TOP1MT: variants seen among roughly 807,000 people sequenced by gnomAD.
The protein encoded by TOP1MT is DNA topoisomerase I, mitochondrial.
TOP1MT carries 80 observed loss-of-function variants against 73.9 expected under a neutral mutation model. The ratio of observed to expected loss-of-function variants is 1.08; its 90% CI spans 0.90 to 1.30. TOP1MT has a LOEUF of 1.30. Ranked by LOEUF, TOP1MT falls within the 50% of genes most tolerant of loss-of-function variation. TOP1MT has a pLI of 0.00. For missense variants in TOP1MT, 815 were observed against 808.0 expected (o/e 1.01, Z -0.10); for synonymous variants, 338 against 326.4 (o/e 1.04, Z -0.38).
chr8:143,329,583 A>G (rs1816798309), intron 2 of TOP1MT, 112 bp from the exon 3 acceptor site: 3 of 1,322,146 alleles, frequency 2.3e-6, no homozygotes, highest in South Asian at 1.3e-5. Context: ...GCCAAGAGCA[A>G]GAAGCTAGGC....
upstream of TOP1MT, among the ~76,000 whole-genome samples, chr8:143,346,826 G>C (rs915354915): frequency 6.6e-6 from 1 of 152,058 alleles, no homozygotes; most frequent in Non-Finnish European, 1.5e-5. Flanking sequence ...CAGGTCAGAG[G>C]GAGGACACTA....
upstream of TOP1MT, among the ~76,000 whole-genome samples, chr8:143,337,278 G>A (rs1175770155): frequency 1.3e-5 from 2 of 152,098 alleles, no homozygotes; most frequent in Non-Finnish European, 2.9e-5. Context: ...GATAGCAGGC[G>A]CCTGTAGTCC....
chr8:143,313,594 C>T (rs1816071192), intron 12 of TOP1MT, among the ~76,000 whole-genome samples: 1 of 150,638 alleles, frequency 6.6e-6, no homozygotes, highest in Non-Finnish European at 1.5e-5. Flanking sequence ...TGACTCACAC[C>T]TGTAATCCCA....
chr8:143,337,895 C>T (rs984985382), upstream of TOP1MT, among the ~76,000 whole-genome samples: 2 of 152,192 alleles, frequency 1.3e-5, no homozygotes, highest in Non-Finnish European at 1.5e-5. Context: ...GGAAGCATTG[C>T]GTAACTCCCT....
At chr8:143,348,206 T>G (rs115535749), upstream of TOP1MT, among the ~76,000 whole-genome samples, 466 of 152,188 alleles carry the variant, frequency 3.1e-3, 3 homozygotes, top group African/African-American at 0.01. The surrounding 1 kb of genome is among the most constrained non-coding windows in gnomAD (Gnocchi z 4.6). Flanking sequence ...AGCTCCCTGC[T>G]CCAAAGTCCC....
At position 143,317,840 on chromosome 8, in the gene TOP1MT, G is replaced by A; in HGVS notation, c.1216-3C>T. 6.2e-7 allele frequency: 1 copy of A among 1,613,970 alleles called. No individual in the cohort carries two copies. Among genetic ancestry groups the A allele is most frequent in the Non-Finnish European group, 8.5e-7 (1 of 1,179,900 alleles). On this transcript the variant is annotated splice_region_variant and splice_polypyrimidine_tract_variant and intron_variant, in intron 9 of 13. Coordinates refer to ENST00000329245, the MANE Select transcript of TOP1MT (RefSeq NM_052963.3). ...AGGTGCTTGTTCAGGCTGGTCGTCT[G>A]GGGAGGAAAATGGTCTCTATAATTA...
chr8:143,324,688 A>G, intron 5 of TOP1MT, 59 bp from the exon 6 acceptor site: 1 of 1,582,842 alleles, frequency 6.3e-7, no homozygotes, highest in Non-Finnish European at 8.6e-7. Flanking sequence ...GAATGCAAGC[A>G]AAAGGAGCTG....
intron 12 of TOP1MT, among the ~76,000 whole-genome samples, chr8:143,312,759 A>G (rs1034911573): frequency 2.0e-5 from 3 of 152,228 alleles, no homozygotes; most frequent in Admixed American, 6.5e-5. Flanking sequence ...GAAAAAGTAA[A>G]ACTATCTCTG....
chr8:143,347,721 CAG>C (rs1373028338), upstream of TOP1MT, among the ~76,000 whole-genome samples: 2 of 150,942 alleles, frequency 1.3e-5, no homozygotes, highest in Non-Finnish European at 2.9e-5. Flanking sequence ...GCCAGCCAGC[CAG>C]CCAGCCAGCG....
At chr8:143,309,912 C>T (rs1362863305) in intron 13 of TOP1MT, 156 bp downstream of exon 13, 9 of 1,584,986 alleles carry the variant, frequency 5.7e-6, no homozygotes, top group Admixed American at 1.8e-5. Context: ...GCTGATGACA[C>T]AGGACTCAGC....
At chr8:143,350,892 C>T (rs1011063132) in intron 1 of TOP1MT, among the ~76,000 whole-genome samples, 1 of 152,184 alleles carries the variant, frequency 6.6e-6, no homozygotes, top group Non-Finnish European at 1.5e-5. Flanking sequence ...AGACTGTCCT[C>T]GACCACACTT....
upstream of TOP1MT, chr8:143,334,999 C>G (rs556784375): frequency 1.7e-5 from 16 of 927,130 alleles, no homozygotes; most frequent in African/African-American, 5.3e-5. Flanking sequence ...GCGGTCTAAG[C>G]CTGCACGGGG....
intron 1 of TOP1MT, among the ~76,000 whole-genome samples, chr8:143,353,634 A>G (rs1167349555): frequency 6.6e-6 from 1 of 152,128 alleles, no homozygotes. Flanking sequence ...ATGTGTAAAA[A>G]CTGGATTCCT....
intron 1 of TOP1MT, among the ~76,000 whole-genome samples, chr8:143,334,504 C>A (rs894919093): frequency 2.6e-5 from 4 of 152,188 alleles, no homozygotes; most frequent in African/African-American, 9.7e-5. Context: ...GAGATTTCCC[C>A]AAATAGGGTT....
At chr8:143,321,037 C>T (rs1816324973) in intron 8 of TOP1MT, among the ~76,000 whole-genome samples, 164 bp downstream of exon 8, 1 of 152,146 alleles carries the variant, frequency 6.6e-6, no homozygotes, top group African/African-American at 2.4e-5. Flanking sequence ...GGTGCACAGC[C>T]TCTCCTTCAC....
At chr8:143,319,251 C>T (rs1190265211) in intron 8 of TOP1MT, among the ~76,000 whole-genome samples, 2 of 152,126 alleles carry the variant, frequency 1.3e-5, no homozygotes, top group Non-Finnish European at 2.9e-5. Flanking sequence ...TGTTTTTCAA[C>T]GGCTCCACTC....
upstream of TOP1MT, chr8:143,359,477 G>C (rs1473813024): frequency 1.0e-6 from 1 of 969,776 alleles, no homozygotes; most frequent in Non-Finnish European, 1.2e-6. Context: ...CAGCCAGACC[G>C]GCACCGCTGG....
At chr8:143,345,132 A>G (rs561441815), upstream of TOP1MT, 2 of 152,498 alleles carry the variant, frequency 1.3e-5, no homozygotes, top group Admixed American at 1.3e-4. Flanking sequence ...GGCTTGTAAA[A>G]GAGTATGCAT....
chr8:143,310,773 G>A (rs1021024032), intron 12 of TOP1MT, among the ~76,000 whole-genome samples: 14 of 152,224 alleles, frequency 9.2e-5, no homozygotes, highest in Non-Finnish European at 1.8e-4. Context: ...ATACGGCTGA[G>A]AATGGGGCAG....
Sources: allele counts gnomAD v4.1 joint callset (sites outside exome capture counted in the v4.1 genomes callset), GRCh38; gene constraint gnomAD v4.1.1; non-coding constraint Gnocchi (gnomAD v3.1); transcripts MANE v1.5; gene names NCBI Gene and HGNC (gene_info 2026-07-23, HGNC 2026-07-21).